Variants in RTL1 observed in about 807,000 individuals in gnomAD.
The protein encoded by RTL1 is retrotransposon-like protein 1.
For missense variants in RTL1, 1,681 were observed against 1,767.5 expected, an observed-to-expected ratio of 0.95 and a Z score of 0.88; for synonymous variants, 727 against 748.4, an observed-to-expected ratio of 0.97 and a Z score of 0.47.
chr14:100,898,079 A>G, intron 2 of RTL1: 1 of 377,618 alleles, frequency 2.6e-6, no homozygotes, highest in Non-Finnish European at 5.6e-6. Flanking sequence ...TGTTGATTAC[A>G]CTCTTCTACT....
chr14:100,890,548 G>A (rs978041640), intron 3 of RTL1, among the ~76,000 whole-genome samples: 6 of 151,968 alleles, frequency 3.9e-5, no homozygotes, highest in African/African-American at 1.5e-4. Context: ...GAGGAGTGGG[G>A]AGGCTGTGAG....
chr14:100,881,455 C>T lies in RTL1; in HGVS notation c.3334G>A (p.Ala1112Thr), dbSNP rs934316540. The change falls in exon 4 of 4, where the codon GCC (alanine) becomes ACC (threonine). Residue 1112 changes from alanine (A) to threonine (T), a missense_variant. Ala to Thr is a moderately conservative substitution (Grantham distance 58). Coordinates refer to ENST00000649591, the MANE Select transcript of RTL1 (RefSeq NM_001134888.3). This position sits in a 1 kb window ranked among gnomAD's most constrained non-coding sequence, Gnocchi z 6.6. ...RQCLSLRPAP[A>T]MRVARPQPQR... ...GGCTGGGGCCGAGCCACCCGCATGGCGGGTGCCGGCCGCAGCGAGAGGCAT... is the reference window on the plus strand; with the variant it reads ...GGCTGGGGCCGAGCCACCCGCATGGTGGGTGCCGGCCGCAGCGAGAGGCAT... 10 of 1,550,306 alleles carry T rather than the reference C, an allele frequency of 6.5e-6. No individual in the cohort carries two copies. The highest frequency in any genetic ancestry group is 2.4e-5 in the East Asian group (1 of 40,890).
intron 3 of RTL1, among the ~76,000 whole-genome samples, chr14:100,887,489 C>A (rs1465875007): frequency 6.6e-6 from 1 of 152,184 alleles, no homozygotes; most frequent in Non-Finnish European, 1.5e-5. Context: ...CACGGTGACT[C>A]ACAGCTGTAA....
At chr14:100,902,433 T>G (rs555919732) in intron 2 of RTL1, among the ~76,000 whole-genome samples, 1 of 152,306 alleles carries the variant, frequency 6.6e-6, no homozygotes, top group African/African-American at 2.4e-5. Context: ...GGGGAGGGCG[T>G]GGTGCTCCCC....
chr14:100,891,492 C>T (rs975725389), intron 3 of RTL1, among the ~76,000 whole-genome samples: 2 of 152,320 alleles, frequency 1.3e-5, no homozygotes, highest in East Asian at 3.9e-4. Flanking sequence ...ACCCCCAGCC[C>T]CTCACCTTGC....
chr14:100,892,864 A>G (rs1362446785), intron 3 of RTL1, among the ~76,000 whole-genome samples: 1 of 152,090 alleles, frequency 6.6e-6, no homozygotes, highest in Non-Finnish European at 1.5e-5. Flanking sequence ...CTCACCCCTA[A>G]AACTGACTTT....
At chr14:100,895,043 T>A (rs1221465838) in intron 2 of RTL1, 1 of 152,238 alleles carries the variant, frequency 6.6e-6, no homozygotes, top group Non-Finnish European at 1.5e-5. Flanking sequence ...CTGACAGGTA[T>A]GTGTGCTCTT....
At position 100,888,474 on chromosome 14, in the gene RTL1, C is replaced by G. The variant is rs139745297; in HGVS notation, c.-86-3600G>C. On this transcript the variant is annotated intron_variant, in intron 3 of 3. Coordinates refer to ENST00000649591, the MANE Select transcript of RTL1 (RefSeq NM_001134888.3). ...CTGTAAGCCCTTTATTGGCTTAAATCCAAAGTTATTAACATGATATAAAAA... is the reference window on the plus strand; with the variant it reads ...CTGTAAGCCCTTTATTGGCTTAAATGCAAAGTTATTAACATGATATAAAAA... Among the ~76,000 whole-genome samples the G allele has an allele frequency of 8.7e-3, 1,264 of 145,290 alleles. 8 individuals are homozygous for G. Among genetic ancestry groups the G allele is most frequent in the Non-Finnish European group, 0.013 (855 of 63,806 alleles).
At chr14:100,898,771 T>C (rs45552738) in intron 2 of RTL1, among the ~76,000 whole-genome samples, 15,043 of 152,308 alleles carry the variant, frequency 0.099, 909 homozygotes, top group African/African-American at 0.17. Flanking sequence ...AATATCCCTG[T>C]TGGGGAGCCC....
chr14:100,898,612 C>T (rs995437201), intron 2 of RTL1, among the ~76,000 whole-genome samples: 2 of 152,256 alleles, frequency 1.3e-5, no homozygotes, highest in Admixed American at 6.5e-5. Flanking sequence ...ACTTGCCAGC[C>T]TCAGCCCCTC....
rs963497285 is a variant in RTL1 at position 100,882,497 on chromosome 14, G to A, written c.2292C>T (p.Ser764=). 1.9e-6 allele frequency: 3 copies of A among 1,551,974 alleles called. No homozygotes were observed. Among genetic ancestry groups the A allele is most frequent in the Non-Finnish European group, 2.6e-6 (3 of 1,147,094 alleles). Residue 764 remains serine (S), a synonymous_variant, in exon 4 of 4, where the codon TCC becomes TCT. Transcript: ENST00000649591. ...VRFRHHNVYC[S]LDKSQFHRQT... is the part of the protein sequence containing the mutation. ...GGCGGTGGAACTGGCTCTTGTCCAG[G>A]GAGCAGTAGACGTTGTGATGGCGGA...
rs937383703 is a variant in RTL1 at position 100,881,568 on chromosome 14, G to A, written c.3221C>T (p.Ala1074Val). The A allele has an allele frequency of 6.4e-7, 1 of 1,551,780 alleles. No homozygotes were observed. Among genetic ancestry groups the A allele is most frequent in the Non-Finnish European group, 8.7e-7 (1 of 1,147,032 alleles). ...LAHFSMAQIR[A>V]VILHFFRGLL... The stretch of plus-strand genomic sequence containing the variant: ...GCCTCGGAAGAAGTGCAGAATGACG[G>A]CCCTGATCTGGGCCATGCTGAAGTG... The change falls in exon 4 of 4, where the codon GCC becomes GTC. Residue 1074 changes from alanine (A) to valine (V), a missense_variant. Physicochemically the swap from Ala to Val is moderately conservative, Grantham distance 64. Coordinates refer to ENST00000649591, the MANE Select transcript of RTL1 (RefSeq NM_001134888.3). This position sits in a 1 kb window ranked among gnomAD's most constrained non-coding sequence, Gnocchi z 6.6.
Position 100,893,996 on chromosome 14 carries a change from C to T in RTL1, c.-148-491G>A, listed in dbSNP as rs2038818835. ...CCTTGGTGGACAACCATTTTGCTCT[C>T]TAGCAAATGGATAGAAAAGTTTATG... On this transcript the variant is annotated intron_variant, in intron 2 of 3. Transcript: ENST00000649591. The surrounding 1 kb of genome is among the most constrained non-coding windows in gnomAD (Gnocchi z 4.2). Among the ~76,000 whole-genome samples the T allele has an allele frequency of 6.6e-6, 1 of 152,178 alleles. No individual in the cohort carries two copies. Among genetic ancestry groups the T allele is most frequent in the African/African-American group, 2.4e-5 (1 of 41,446 alleles).
At position 100,882,867 on chromosome 14, in the gene RTL1, G is replaced by A. The variant is rs1304976351; in HGVS notation, c.1922C>T (p.Thr641Ile). Residue 641 changes from threonine to isoleucine, a missense_variant, in exon 4 of 4, where the codon ACC becomes ATC. By Grantham distance (89) the Thr-to-Ile change is moderately conservative. Transcript: ENST00000649591. ...EEYWDLQDML[T>I]NRQDYIQMIP... is the part of the protein sequence containing the mutation. ...CATCTGTATGTAGTCCTGTCTGTTG[G>A]TCAGCATGTCCTGCAGGTCCCAGTA... 2 of 1,566,902 alleles carry A rather than the reference G, an allele frequency of 1.3e-6. No individual in the cohort carries two copies. The highest frequency in any genetic ancestry group is 8.7e-7 in the Non-Finnish European group (1 of 1,153,418).
At chr14:100,896,381 G>T (rs184751411) in intron 2 of RTL1, among the ~76,000 whole-genome samples, 1 of 152,114 alleles carries the variant, frequency 6.6e-6, no homozygotes, top group African/African-American at 2.4e-5. Flanking sequence ...TGATCTGTGC[G>T]GATGGAGACT....
intron 2 of RTL1, among the ~76,000 whole-genome samples, chr14:100,895,827 C>A (rs1566759965): frequency 6.6e-6 from 1 of 152,166 alleles, no homozygotes; most frequent in Admixed American, 6.5e-5. Context: ...AATCCCAGCA[C>A]TTTCGGAGGC....
In RTL1 at chr14:100,880,869, T is replaced by G. The variant is rs1276765124; in HGVS notation, c.3920A>C (p.His1307Pro). Residue 1307 changes from histidine to proline, a missense_variant, in exon 4 of 4, where the codon CAC becomes CCC. His to Pro is a moderately conservative substitution (Grantham distance 77). Transcript: ENST00000649591. ...GGCTGCCTGCTCCCGGCTGAGCAGG[T>G]GCAGCTGGCCATCTGCACTGTGGAT... ...LHIHSADGQL[H>P]LLSREQAARA... 15 of 1,538,068 alleles carry G rather than the reference T, an allele frequency of 9.8e-6. No homozygotes were observed. Among genetic ancestry groups the G allele is most frequent in the African/African-American group, 2.9e-5 (2 of 69,898 alleles).
intron 2 of RTL1, among the ~76,000 whole-genome samples, chr14:100,898,618 C>T (rs1158597836): frequency 6.6e-6 from 1 of 152,238 alleles, no homozygotes; most frequent in Non-Finnish European, 1.5e-5. Context: ...CAGCCTCAGC[C>T]CCTCCCCACT....
intron 2 of RTL1, among the ~76,000 whole-genome samples, chr14:100,894,157 A>G (rs1046971010): frequency 6.6e-6 from 1 of 151,972 alleles, no homozygotes; most frequent in Non-Finnish European, 1.5e-5. Context: ...TAAAAATACA[A>G]AAATTAGCTG....
Sources: allele counts gnomAD v4.1 joint callset (sites outside exome capture counted in the v4.1 genomes callset), GRCh38; gene constraint gnomAD v4.1.1; non-coding constraint Gnocchi (gnomAD v3.1); transcripts MANE v1.5; gene names NCBI Gene and HGNC (gene_info 2026-07-23, HGNC 2026-07-21).